CACNA2D3: variants seen among roughly 807,000 people sequenced by gnomAD.
CACNA2D3 encodes voltage-dependent calcium channel subunit alpha-2/delta-3.
CACNA2D3 carries 60 observed loss-of-function variants against 160.6 expected under a neutral mutation model. The observed-to-expected ratio is 0.37, with a 90% confidence interval of 0.30 to 0.46. The LOEUF (loss-of-function observed/expected upper bound fraction) is 0.46, where lower values mean the gene tolerates loss of function less well. CACNA2D3 is among the 20% of genes least tolerant of loss of function. The pLI is 1.00. For missense variants in CACNA2D3, 1,205 were observed against 1,365.0 expected, an observed-to-expected ratio of 0.88 and a Z score of 1.85; for synonymous variants, 558 against 492.9, an observed-to-expected ratio of 1.13 and a Z score of -1.75.
At chr3:54,880,332 G>A (rs1373842578) in intron 20 of CACNA2D3, among the ~76,000 whole-genome samples, 3 of 152,216 alleles carry the variant, frequency 2.0e-5, no homozygotes, top group Admixed American at 2.0e-4. Flanking sequence ...AAAGAAGCCT[G>A]CAACACAGTA....
At chr3:54,719,390 T>C (rs1227547212) in intron 11 of CACNA2D3, among the ~76,000 whole-genome samples, 5 of 152,010 alleles carry the variant, frequency 3.3e-5, no homozygotes, top group African/African-American at 1.2e-4. Flanking sequence ...TTGAATTTTG[T>C]CGAGTGCTTG....
chr3:55,049,859 A>AGCC (rs201559936), intron 35 of CACNA2D3, among the ~76,000 whole-genome samples: 21,203 of 148,134 alleles, frequency 0.14, 1,552 homozygotes, highest in South Asian at 0.16. Flanking sequence ...ATTATGTAAT[A>AGCC]GCCTTCTTTG....
chr3:54,356,626 G>A (rs1698653797), intron 3 of CACNA2D3, among the ~76,000 whole-genome samples: 1 of 152,172 alleles, frequency 6.6e-6, no homozygotes, highest in African/African-American at 2.4e-5. Context: ...AAAATGGGAA[G>A]TAGATGGGAT....
chr3:54,607,875 A>G (rs540970939), intron 9 of CACNA2D3, among the ~76,000 whole-genome samples: 45 of 152,362 alleles, frequency 3.0e-4, no homozygotes, highest in African/African-American at 9.9e-4. Context: ...GTACATTCAT[A>G]CAGAAGAACT....
At chr3:54,242,629 G>A (rs1179587945) in intron 2 of CACNA2D3, among the ~76,000 whole-genome samples, 1 of 152,176 alleles carries the variant, frequency 6.6e-6, no homozygotes, top group African/African-American at 2.4e-5. Context: ...GTGACAAATG[G>A]GTGGGTAGCA....
At chr3:54,882,732 C>T (rs1350258997) in intron 21 of CACNA2D3, among the ~76,000 whole-genome samples, 1 of 152,152 alleles carries the variant, frequency 6.6e-6, no homozygotes, top group Admixed American at 6.6e-5. Flanking sequence ...ATCTTGTCAT[C>T]TCTCTAGGAG....
In CACNA2D3 at chr3:55,004,837, A is replaced by G. The variant is rs1367683325; in HGVS notation, c.2765A>G (p.Asp922Gly). 3 of 1,609,744 alleles carry G rather than the reference A, an allele frequency of 1.9e-6. No individual in the cohort carries two copies. The highest frequency in any genetic ancestry group is 1.7e-6 in the Non-Finnish European group (2 of 1,176,080). ...ESSDGAHGLLDPYNAFLSAVK... is the reference protein window; with the variant it reads ...ESSDGAHGLLGPYNAFLSAVK... ...AGCGATGGCGCCCATGGCCTCCTGG[A>G]TGTAAGTACTATGCTGTCACTCAGA... is the stretch of plus-strand genomic sequence containing the variant. Residue 922 changes from aspartate (D) to glycine (G), a missense_variant and splice_region_variant, in exon 32 of 38, where the codon GAT becomes GGT. Transcript: ENST00000474759.
intron 2 of CACNA2D3, among the ~76,000 whole-genome samples, chr3:54,156,395 G>A (rs1700244669): frequency 6.6e-6 from 1 of 152,196 alleles, no homozygotes; most frequent in Admixed American, 6.5e-5. Context: ...TCAGTCACTG[G>A]ATGAGAGCTG....
chr3:54,504,810 C>T (rs1047243963), intron 5 of CACNA2D3, among the ~76,000 whole-genome samples: 2 of 152,176 alleles, frequency 1.3e-5, no homozygotes, highest in Non-Finnish European at 2.9e-5. Context: ...CTTTCTGAGG[C>T]TCAGTTTCCC....
At chr3:54,429,366 T>A (rs1259554247) in intron 4 of CACNA2D3, among the ~76,000 whole-genome samples, 1 of 152,218 alleles carries the variant, frequency 6.6e-6, no homozygotes, top group Non-Finnish European at 1.5e-5. Context: ...TTTCCTTTCC[T>A]TTCCATTTCT....
chr3:54,253,354 C>G (rs1702232255), intron 2 of CACNA2D3, among the ~76,000 whole-genome samples: 1 of 152,052 alleles, frequency 6.6e-6, no homozygotes, highest in Non-Finnish European at 1.5e-5. Flanking sequence ...TGCTTGGCTT[C>G]TGGGGAGGCC....
intron 13 of CACNA2D3, chr3:54,789,758 A>G (rs1702711194): frequency 6.4e-6 from 3 of 465,614 alleles, no homozygotes; most frequent in South Asian, 3.1e-5. Flanking sequence ...CTCTAAACCA[A>G]AATTTAGATT....
chr3:54,493,818 G>T lies in CACNA2D3; in HGVS notation c.382-9674G>T, dbSNP rs184851459. 3.3e-3 allele frequency among the ~76,000 whole-genome samples: 503 copies of T among 152,336 alleles called. 4 individuals carry two copies. The highest frequency in any genetic ancestry group is 4.2e-3 in the East Asian group (22 of 5,186). On this transcript the variant is annotated intron_variant, in intron 4 of 37. Coordinates refer to ENST00000474759, the MANE Select transcript of CACNA2D3 (RefSeq NM_018398.3). ...TGGTAAATGGCTGGAGCACAGCCAG[G>T]CCCGTTTGTATTATCTATGGCAGCT...
intron 5 of CACNA2D3, among the ~76,000 whole-genome samples, chr3:54,528,028 T>A (rs1218024381): frequency 6.6e-6 from 1 of 152,210 alleles, no homozygotes; most frequent in Non-Finnish European, 1.5e-5. Context: ...GCTCTTCATG[T>A]TGTTGTGCCA....
chr3:54,290,113 G>C (rs1703149410), intron 2 of CACNA2D3, among the ~76,000 whole-genome samples: 1 of 151,944 alleles, frequency 6.6e-6, no homozygotes, highest in Non-Finnish European at 1.5e-5. Flanking sequence ...CCATCAGAGT[G>C]AACAGGCAAC....
chr3:54,946,336 G>T (rs1044984524), intron 27 of CACNA2D3, among the ~76,000 whole-genome samples: 3 of 152,152 alleles, frequency 2.0e-5, no homozygotes, highest in Non-Finnish European at 2.9e-5. Flanking sequence ...CACCACAATG[G>T]TTATTGGTTG....
intron 13 of CACNA2D3, among the ~76,000 whole-genome samples, chr3:54,782,034 C>A (rs9836378): frequency 0.03 from 4,562 of 152,218 alleles, 206 homozygotes; most frequent in African/African-American, 0.1. Context: ...TTGAACCAAT[C>A]CACAGAGTGG....
intron 14 of CACNA2D3, among the ~76,000 whole-genome samples, chr3:54,819,929 T>C (rs1703549410): frequency 1.3e-5 from 2 of 152,170 alleles, no homozygotes; most frequent in African/African-American, 4.8e-5. Context: ...GAGATTGGTC[T>C]TGAAACCCCA....
At position 54,283,745 on chromosome 3, in the gene CACNA2D3, C is replaced by T. The variant is rs77849991; in HGVS notation, c.205-36697C>T. Among the ~76,000 whole-genome samples, 1,477 of 152,254 alleles carry T rather than the reference C, an allele frequency of 9.7e-3. 11 individuals carry two copies. Among genetic ancestry groups the T allele is most frequent in the Non-Finnish European group, 0.017 (1,130 of 68,020 alleles). On this transcript the variant is annotated intron_variant, in intron 2 of 37. Coordinates refer to ENST00000474759, the MANE Select transcript of CACNA2D3 (RefSeq NM_018398.3). ...CAGTGTTGTTCTTGACCTTCTGACA[C>T]CAGAGGTGTTTCTCTGTGTAGATAG...
Sources: gnomAD v4.1 joint callset for allele counts (sites outside exome capture counted in the v4.1 genomes callset) on GRCh38, gnomAD v4.1.1 for gene constraint, MANE v1.5 for transcripts, NCBI Gene and HGNC (gene_info 2026-07-23, HGNC 2026-07-21) for gene names.